The following PLEKHM3 variants were observed in gnomAD, a reference collection of about 807,000 sequenced individuals.
PLEKHM3 encodes the protein pleckstrin homology domain-containing family M member 3.
A neutral mutation model predicts 81.8 loss-of-function variants in PLEKHM3; 45 were observed. The ratio of observed to expected loss-of-function variants is 0.55; its 90% CI spans 0.43 to 0.71. The LOEUF is 0.71. PLEKHM3 is among the 30% of genes least tolerant of loss of function. PLEKHM3 has a pLI of 0.00. For missense variants in PLEKHM3, 788 were observed against 924.3 expected, an observed-to-expected ratio of 0.85 and a Z score of 1.91; for synonymous variants, 352 against 356.4, an observed-to-expected ratio of 0.99 and a Z score of 0.14.
At chr2:208,023,764 A>T (rs561627215) in intron 1 of PLEKHM3, among the ~76,000 whole-genome samples, 1 of 152,156 alleles carries the variant, frequency 6.6e-6, no homozygotes, top group Non-Finnish European at 1.5e-5. Flanking sequence ...GCCAAAAACC[A>T]CCAGGGGACC....
intron 4 of PLEKHM3, among the ~76,000 whole-genome samples, chr2:207,935,153 T>C (rs900048204): frequency 6.6e-6 from 1 of 152,156 alleles, no homozygotes; most frequent in African/African-American, 2.4e-5. Flanking sequence ...CAAGGAACAC[T>C]AGTCCCACAA....
chr2:208,015,820 T>C (rs922529981), intron 1 of PLEKHM3, among the ~76,000 whole-genome samples: 2 of 152,254 alleles, frequency 1.3e-5, no homozygotes, highest in East Asian at 1.9e-4. Flanking sequence ...AATGTTTCTG[T>C]CAAAAGAATT....
At chr2:207,888,496 A>T (rs377266119) in intron 6 of PLEKHM3, among the ~76,000 whole-genome samples, 12 of 152,274 alleles carry the variant, frequency 7.9e-5, no homozygotes, top group Middle Eastern at 3.4e-3. Flanking sequence ...TCCTGGGTTC[A>T]AGTGATTCTC....
intron 3 of PLEKHM3, among the ~76,000 whole-genome samples, chr2:207,971,441 A>G (rs1386503181): frequency 2.0e-5 from 3 of 152,280 alleles, no homozygotes; most frequent in Non-Finnish European, 4.4e-5. Context: ...ACACAAAGAA[A>G]TGATAAATGT....
chr2:207,881,285 A>G (rs2092590119), intron 6 of PLEKHM3, among the ~76,000 whole-genome samples: 1 of 152,248 alleles, frequency 6.6e-6, no homozygotes, highest in South Asian at 2.1e-4. Context: ...TGTGCTATAA[A>G]GAATGAGCCA....
chr2:207,979,634 A>G (rs1429089801), intron 2 of PLEKHM3, among the ~76,000 whole-genome samples: 3 of 152,158 alleles, frequency 2.0e-5, no homozygotes, highest in Admixed American at 1.3e-4. Flanking sequence ...ATGTTTCTCA[A>G]TCTCTTTGCC....
chr2:207,925,779 G>A (rs1689373984), intron 5 of PLEKHM3, among the ~76,000 whole-genome samples: 2 of 152,092 alleles, frequency 1.3e-5, no homozygotes, highest in Admixed American at 6.6e-5. Flanking sequence ...CTGCCTGAGG[G>A]GCGCATTGTA....
At chr2:207,882,754 CT>C (rs1284762025) in intron 6 of PLEKHM3, among the ~76,000 whole-genome samples, 1 of 152,020 alleles carries the variant, frequency 6.6e-6, no homozygotes, top group African/African-American at 2.4e-5. Context: ...GTCTAAGTAC[CT>C]GTTATACAAG....
intron 7 of PLEKHM3, among the ~76,000 whole-genome samples, chr2:207,857,672 A>G (rs1018275915): frequency 2.2e-4 from 33 of 152,142 alleles, no homozygotes; most frequent in Middle Eastern, 3.4e-3. Context: ...ATACTCTTTT[A>G]TAATTCTTTT....
intron 1 of PLEKHM3, among the ~76,000 whole-genome samples, chr2:208,006,117 C>T (rs1692486218): frequency 6.6e-6 from 1 of 152,186 alleles, no homozygotes; most frequent in South Asian, 2.1e-4. Context: ...ACTTATCTTC[C>T]TAAATACTCT....
chr2:207,990,905 G>A (rs1184870385), intron 2 of PLEKHM3, among the ~76,000 whole-genome samples: 3 of 152,134 alleles, frequency 2.0e-5, no homozygotes, highest in Admixed American at 6.5e-5. Context: ...CAGCTCTAGT[G>A]GAAACAGACC....
intron 3 of PLEKHM3, among the ~76,000 whole-genome samples, chr2:207,951,011 A>T (rs1690310831): frequency 6.6e-6 from 1 of 152,228 alleles, no homozygotes; most frequent in Non-Finnish European, 1.5e-5. Flanking sequence ...TCATTTTCTA[A>T]AAAACAACAC....
chr2:207,944,077 G>A (rs1259744007), intron 4 of PLEKHM3, among the ~76,000 whole-genome samples: 3 of 152,100 alleles, frequency 2.0e-5, no homozygotes, highest in African/African-American at 4.8e-5. Context: ...TGTAAGTGAG[G>A]GAGATGCCCA....
At chr2:207,846,667 A>G (rs2105893889) in intron 7 of PLEKHM3, among the ~76,000 whole-genome samples, 1 of 152,028 alleles carries the variant, frequency 6.6e-6, no homozygotes, top group Non-Finnish European at 1.5e-5. Context: ...AGGTTGCAGA[A>G]AGCCAAGATG....
intron 6 of PLEKHM3, among the ~76,000 whole-genome samples, chr2:207,865,228 G>A (rs558918647): frequency 3.3e-5 from 5 of 152,144 alleles, no homozygotes; most frequent in African/African-American, 4.8e-5. Flanking sequence ...CATTAAATAC[G>A]TATATCCCGT....
In PLEKHM3 at chr2:207,976,778, G is replaced by A. The variant is rs1691325420; in HGVS notation, c.1419C>T (p.Pro473=). The change falls in exon 3 of 8, where the codon CCC becomes CCT. Residue 473 remains proline (P), a synonymous_variant. Transcript: ENST00000427836. The surrounding 1 kb of genome is among the most constrained non-coding windows in gnomAD (Gnocchi z 4.1). ...GTTCATGCCCACCCATTTGATCCTT[G>A]GGTTTGTTCCTCAGTGTGACTTGCA... ...QNLQVTLRNK[P]KDQMGGHELR... The A allele has an allele frequency of 1.2e-6, 2 of 1,614,090 alleles. No homozygotes were observed. The highest frequency in any genetic ancestry group is 8.5e-7 in the Non-Finnish European group (1 of 1,180,050).
At chr2:207,844,464 G>T (rs1346764313) in intron 7 of PLEKHM3, among the ~76,000 whole-genome samples, 1 of 144,306 alleles carries the variant, frequency 6.9e-6, no homozygotes, top group African/African-American at 2.5e-5. Flanking sequence ...CACCACGCCC[G>T]GAGAATTTTT....
Position 207,912,524 on chromosome 2 carries a change from GT to G in PLEKHM3, c.1887-3948del, listed in dbSNP as rs1238586945. Reference sequence around the variant, plus strand: ...TTGTGTCTGGAGAACTGGAGAAGATGTTGTGTCCAAGAGATTTAGTGGTGGC... The same window carrying G: ...TTGTGTCTGGAGAACTGGAGAAGATGTGTGTCCAAGAGATTTAGTGGTGGC... On this transcript the variant is annotated intron_variant, in intron 5 of 7. Coordinates refer to ENST00000427836, the MANE Select transcript of PLEKHM3 (RefSeq NM_001080475.3). Among the ~76,000 whole-genome samples, 4 of 152,300 alleles carry G rather than the reference GT, an allele frequency of 2.6e-5. No individual in the cohort carries two copies. The South Asian group carries it at 8.3e-4, about 32-fold the overall frequency.
intron 3 of PLEKHM3, among the ~76,000 whole-genome samples, chr2:207,960,650 G>A (rs1378973952): frequency 6.6e-6 from 1 of 152,240 alleles, no homozygotes; most frequent in Non-Finnish European, 1.5e-5. Flanking sequence ...AATAATGGGA[G>A]TGGAGAGGAA....
Sources: allele counts gnomAD v4.1 joint callset (sites outside exome capture counted in the v4.1 genomes callset), GRCh38; gene constraint gnomAD v4.1.1; non-coding constraint Gnocchi (gnomAD v3.1); transcripts MANE v1.5; gene names NCBI Gene and HGNC (gene_info 2026-07-23, HGNC 2026-07-21).